IPCEF1: variants seen among roughly 807,000 people sequenced by gnomAD.
IPCEF1 encodes the protein interactor protein for cytohesin exchange factors 1.
Under a neutral mutation model 50.9 loss-of-function variants are expected in IPCEF1, and 31 were observed. That is an observed-to-expected ratio of 0.61 (90% CI 0.46 to 0.82). The LOEUF is 0.82. Ranked by LOEUF, IPCEF1 falls within the 40% of genes least tolerant of loss-of-function variation. The pLI, the probability that IPCEF1 is intolerant of heterozygous loss-of-function variation, is 0.00. For synonymous variants in IPCEF1, 181 were observed against 192.0 expected, an observed-to-expected ratio of 0.94 and a Z score of 0.47; for missense variants, 458 against 514.0, an observed-to-expected ratio of 0.89 and a Z score of 1.05.
chr6:154,223,302 T>C lies in IPCEF1; in HGVS notation c.247-59A>G, dbSNP rs956769776. 3.9e-6 allele frequency: 5 copies of C among 1,294,572 alleles called. No homozygotes were observed. In the Admixed American group the frequency reaches 5.3e-5, roughly 14 times the overall value. 80.2% of individuals were successfully genotyped at this position (1,294,572 alleles called of 1,614,324 possible). On this transcript the variant is annotated intron_variant, in intron 5 of 11. Transcript: ENST00000367220. ...TGCATCAATCCTGGGGATTAGTGCATTGAGATCATATACATGGAATAGGGA... is the reference window on the plus strand; with the variant it reads ...TGCATCAATCCTGGGGATTAGTGCACTGAGATCATATACATGGAATAGGGA...
rs758709761 is a variant in IPCEF1, at chr6:154,265,892, G to A, written c.36+20C>T. ...AAACTGACAATATCTAAAGCCTGGG[G>A]TATTCCAAAGGATACTTACAAGAGC... On this transcript the variant is annotated intron_variant, in intron 3 of 11. Coordinates refer to ENST00000367220, the MANE Select transcript of IPCEF1 (RefSeq NM_001130700.2). 6 of 1,555,290 alleles carry A rather than the reference G, an allele frequency of 3.9e-6. No individual in the cohort carries two copies. The South Asian group carries it at 5.9e-5, about 15-fold the overall frequency.
intron 2 of IPCEF1, among the ~76,000 whole-genome samples, chr6:154,277,860 CT>C (rs955557343): frequency 4.0e-5 from 6 of 151,348 alleles, no homozygotes; most frequent in Non-Finnish European, 8.8e-5. Flanking sequence ...TAAAGCCAGA[CT>C]TTTTTTTTCC....
At chr6:154,205,502 G>A (rs1562540307) in intron 9 of IPCEF1, among the ~76,000 whole-genome samples, 1 of 152,144 alleles carries the variant, frequency 6.6e-6, no homozygotes, top group Non-Finnish European at 1.5e-5. Flanking sequence ...GGCTGAGGCA[G>A]GAGAATCACT....
intron 10 of IPCEF1, among the ~76,000 whole-genome samples, chr6:154,194,938 T>C (rs1477799815): frequency 6.6e-6 from 1 of 152,024 alleles, no homozygotes; most frequent in Non-Finnish European, 1.5e-5. Flanking sequence ...TAGGTAATGT[T>C]CTAGGAACAA....
At chr6:154,193,090 C>T (rs1583760115) in intron 10 of IPCEF1, among the ~76,000 whole-genome samples, 1 of 152,152 alleles carries the variant, frequency 6.6e-6, no homozygotes, top group Non-Finnish European at 1.5e-5. Flanking sequence ...CAGCACAATT[C>T]GCAATTGCTA....
At chr6:154,301,616 T>C (rs953865) in intron 1 of IPCEF1, among the ~76,000 whole-genome samples, 33,830 of 152,070 alleles carry the variant, frequency 0.22, 4,202 homozygotes, top group East Asian at 0.36. Context: ...TTCTTAAAGG[T>C]ACACCTATTA....
chr6:154,241,691 C>T (rs575574456), intron 5 of IPCEF1, among the ~76,000 whole-genome samples: 1 of 152,308 alleles, frequency 6.6e-6, no homozygotes, highest in African/African-American at 2.4e-5. Context: ...TGCATTTTCT[C>T]ACCATCTCCT....
At chr6:154,309,987 C>T (rs1757282205) in intron 1 of IPCEF1, among the ~76,000 whole-genome samples, 1 of 152,188 alleles carries the variant, frequency 6.6e-6, no homozygotes, top group East Asian at 1.9e-4. Flanking sequence ...TGGTCTTGAA[C>T]TCCTGACCTC....
chr6:154,334,233 T>G (rs1783741399), intron 1 of IPCEF1, among the ~76,000 whole-genome samples: 13 of 152,162 alleles, frequency 8.5e-5, no homozygotes, highest in Admixed American at 8.5e-4. Flanking sequence ...TTTTCAAACA[T>G]ATGCTCATTT....
chr6:154,263,230 C>CT (rs10701125), intron 3 of IPCEF1, among the ~76,000 whole-genome samples: 37 of 147,978 alleles, frequency 2.5e-4, no homozygotes, highest in East Asian at 1.8e-3. Context: ...GTAAATGAGT[C>CT]TTTTTTTTTT....
intron 3 of IPCEF1, among the ~76,000 whole-genome samples, chr6:154,258,686 A>G (rs1445232352): frequency 1.3e-5 from 2 of 152,086 alleles, no homozygotes; most frequent in Non-Finnish European, 2.9e-5. Context: ...AGTCAGATCC[A>G]TATCAGTTCT....
intron 2 of IPCEF1, among the ~76,000 whole-genome samples, chr6:154,268,089 G>A (rs1026906897): frequency 6.6e-6 from 1 of 152,230 alleles, no homozygotes; most frequent in Non-Finnish European, 1.5e-5. Context: ...CCAGGGACCT[G>A]CCCCCTTCCG....
At chr6:154,321,802 A>AAAAAAAAAAAAAAAAAAG (rs1783387438) in intron 1 of IPCEF1, among the ~76,000 whole-genome samples, 1 of 150,218 alleles carries the variant, frequency 6.7e-6, no homozygotes, top group African/African-American at 2.4e-5. Context: ...AAAAAAAAAA[A>AAAAAAAAAAAAAAAAAAG]AAAACCAAGG....
intron 2 of IPCEF1, among the ~76,000 whole-genome samples, chr6:154,280,891 A>G (rs1000691878): frequency 1.3e-5 from 2 of 152,186 alleles, no homozygotes; most frequent in African/African-American, 4.8e-5. Flanking sequence ...ATTTCAAACT[A>G]AAAGTCATTT....
chr6:154,310,397 T>C (rs1347252589), intron 1 of IPCEF1, among the ~76,000 whole-genome samples: 2 of 152,208 alleles, frequency 1.3e-5, no homozygotes, highest in African/African-American at 4.8e-5. Flanking sequence ...GGAGGAGGTC[T>C]AGGATGTTGG....
intron 2 of IPCEF1, among the ~76,000 whole-genome samples, chr6:154,269,943 T>A (rs1015160860): frequency 2.2e-4 from 33 of 152,260 alleles, no homozygotes; most frequent in African/African-American, 7.0e-4. Flanking sequence ...TTGATGAAAA[T>A]ATATACATAT....
At chr6:154,176,369 G>C (rs1317088151) in intron 10 of IPCEF1, among the ~76,000 whole-genome samples, 1 of 152,238 alleles carries the variant, frequency 6.6e-6, no homozygotes, top group Admixed American at 6.5e-5. Context: ...ATTAGGAAAA[G>C]AGGAGGTCAA....
chr6:154,167,583 C>T (rs970404647), intron 11 of IPCEF1, among the ~76,000 whole-genome samples: 3 of 152,170 alleles, frequency 2.0e-5, no homozygotes, highest in Non-Finnish European at 4.4e-5. Flanking sequence ...TGTCTCTCAT[C>T]AACATTTATT....
At chr6:154,200,692 G>T (rs1439661845) in intron 9 of IPCEF1, among the ~76,000 whole-genome samples, 1 of 152,220 alleles carries the variant, frequency 6.6e-6, no homozygotes, top group African/African-American at 2.4e-5. Flanking sequence ...CTGCACTCCA[G>T]TCTGGGTGAC....
Sources: gnomAD v4.1 joint callset for allele counts (sites outside exome capture counted in the v4.1 genomes callset) on GRCh38, gnomAD v4.1.1 for gene constraint, MANE v1.5 for transcripts, NCBI Gene and HGNC (gene_info 2026-07-23, HGNC 2026-07-21) for gene names.